Variants in GPHN observed in about 807,000 individuals in gnomAD.
The protein encoded by GPHN is gephyrin.
In GPHN, 17 loss-of-function variants were observed where a neutral mutation model predicts 95.5. That is an observed-to-expected ratio of 0.18 (90% CI 0.12 to 0.27). The LOEUF is 0.27. GPHN is among the 10% of genes least tolerant of loss of function. GPHN has a pLI of 1.00. For synonymous variants in GPHN, 320 were observed against 322.5 expected (o/e 0.99, Z 0.08); for missense variants, 660 against 978.1 (o/e 0.67, Z 4.34).
intron 10 of GPHN, among the ~76,000 whole-genome samples, chr14:67,052,285 G>A (rs2075341648): frequency 6.8e-6 from 1 of 147,428 alleles, no homozygotes; most frequent in Non-Finnish European, 1.5e-5. Flanking sequence ...AAATAGCAGA[G>A]AAAACCAGGG....
the GPHN span, among the ~76,000 whole-genome samples, chr14:67,330,664 G>A: frequency 6.6e-6 from 1 of 152,032 alleles, no homozygotes. Context: ...CTCCATGTTG[G>A]TCAGGCTGGT....
intron 1 of GPHN, among the ~76,000 whole-genome samples, chr14:66,566,280 TG>T (rs901591989): frequency 9.9e-5 from 15 of 152,204 alleles, no homozygotes; most frequent in African/African-American, 3.6e-4. Flanking sequence ...GCCACCATTT[TG>T]CTGTACTCTA....
At chr14:67,656,264 A>C in the GPHN span, 5 of 741,280 alleles carry the variant, frequency 6.7e-6, no homozygotes, top group African/African-American at 5.5e-5. Context: ...AAAAAAAATT[A>C]ATAAATAAAA....
At chr14:67,049,624 T>C (rs1189617973) in intron 10 of GPHN, among the ~76,000 whole-genome samples, 1 of 151,938 alleles carries the variant, frequency 6.6e-6, no homozygotes, top group East Asian at 1.9e-4. Context: ...GCAATTCTTC[T>C]GCCTCAGCCT....
chr14:67,655,904 G>A, the GPHN span, among the ~76,000 whole-genome samples: 1 of 152,028 alleles, frequency 6.6e-6, no homozygotes, highest in Non-Finnish European at 1.5e-5. Flanking sequence ...CTAAATCTTA[G>A]GGGTAAAATT....
At chr14:66,830,832 A>T (rs1210235559) in intron 4 of GPHN, among the ~76,000 whole-genome samples, 1 of 152,050 alleles carries the variant, frequency 6.6e-6, no homozygotes, top group African/African-American at 2.4e-5. Context: ...CACTTAGGTT[A>T]TTAGATTTTT....
At chr14:67,301,408 C>T in the GPHN span, 6 of 1,609,202 alleles carry the variant, frequency 3.7e-6, no homozygotes, top group East Asian at 1.3e-4. Flanking sequence ...GTTTTGAAGC[C>T]AGTTCATCAT....
the GPHN span, among the ~76,000 whole-genome samples, chr14:67,621,309 G>T: frequency 1.3e-5 from 2 of 152,094 alleles, no homozygotes; most frequent in East Asian, 1.9e-4. Context: ...AGATGCTTAT[G>T]ATTTATCAGT....
intron 8 of GPHN, among the ~76,000 whole-genome samples, chr14:66,963,952 G>T (rs549222763): frequency 1.6e-3 from 243 of 152,232 alleles, no homozygotes; most frequent in Non-Finnish European, 2.0e-3. Context: ...AGTGATATTT[G>T]TTGATTAAAT....
intron 5 of GPHN, among the ~76,000 whole-genome samples, chr14:66,894,060 A>C (rs1406207602): frequency 6.6e-6 from 1 of 152,176 alleles, no homozygotes; most frequent in Non-Finnish European, 1.5e-5. Context: ...TGCCAAGACA[A>C]TCCTCAGCCA....
chr14:66,997,419 T>C (rs1335590128), intron 9 of GPHN, among the ~76,000 whole-genome samples: 3 of 151,538 alleles, frequency 2.0e-5, no homozygotes, highest in African/African-American at 7.3e-5. Flanking sequence ...TTTAAGACCT[T>C]CATTCTTTTT....
At chr14:66,952,860 A>G (rs1394821758) in intron 8 of GPHN, among the ~76,000 whole-genome samples, 1 of 151,754 alleles carries the variant, frequency 6.6e-6, no homozygotes, top group Non-Finnish European at 1.5e-5. Flanking sequence ...ACGCCTGACT[A>G]ATTTTTTGTA....
intron 8 of GPHN, among the ~76,000 whole-genome samples, chr14:66,948,954 T>C (rs1377655643): frequency 6.6e-6 from 1 of 152,160 alleles, no homozygotes; most frequent in Non-Finnish European, 1.5e-5. Context: ...CAGTTTTTTC[T>C]TTAATAAAAC....
chr14:67,190,068 A>ATTTT, the GPHN span, among the ~76,000 whole-genome samples: 4 of 115,446 alleles, frequency 3.5e-5, no homozygotes, highest in East Asian at 2.4e-4. Context: ...TGCCCAGCTA[A>ATTTT]TTTTTTTTTT....
At chr14:66,679,975 T>G (rs2066844385) in intron 1 of GPHN, among the ~76,000 whole-genome samples, 1 of 152,178 alleles carries the variant, frequency 6.6e-6, no homozygotes, top group African/African-American at 2.4e-5. Context: ...ATACCAAATA[T>G]TGTTTATAAT....
the GPHN span, among the ~76,000 whole-genome samples, chr14:67,370,383 A>G: frequency 6.6e-6 from 1 of 152,226 alleles, no homozygotes; most frequent in Non-Finnish European, 1.5e-5. Flanking sequence ...CGGTGAAAAT[A>G]GAGTACCAGA....
At chr14:67,089,921 TTTTG>T (rs2077078914) in intron 12 of GPHN, among the ~76,000 whole-genome samples, 1 of 152,092 alleles carries the variant, frequency 6.6e-6, no homozygotes, top group Admixed American at 6.5e-5. Context: ...ATTTTTTTGG[TTTTG>T]TTTTTGTTTT....
the GPHN span, chr14:67,690,258 C>A: frequency 6.2e-7 from 1 of 1,614,060 alleles, no homozygotes; most frequent in Non-Finnish European, 8.5e-7. Context: ...TGTTGGCTAG[C>A]TTGCTGTGAC....
the GPHN span, among the ~76,000 whole-genome samples, chr14:67,268,790 A>G: frequency 6.6e-6 from 1 of 152,150 alleles, no homozygotes; most frequent in African/African-American, 2.4e-5. Context: ...CTGACCTCCT[A>G]TCTCATCCTG....
Sources: gnomAD v4.1 joint callset for allele counts (sites outside exome capture counted in the v4.1 genomes callset) on GRCh38, gnomAD v4.1.1 for gene constraint, MANE v1.5 for transcripts, NCBI Gene and HGNC (gene_info 2026-07-23, HGNC 2026-07-21) for gene names.